Variants in MYO1E observed in about 807,000 individuals in gnomAD.
MYO1E encodes the protein unconventional myosin-Ie.
In MYO1E, 68 loss-of-function variants were observed where a neutral mutation model predicts 151.1. The ratio of observed to expected loss-of-function variants is 0.45; its 90% CI spans 0.37 to 0.55. The LOEUF is 0.55. Among genes scored for constraint, MYO1E ranks in the 20% least tolerant of loss-of-function variants. MYO1E has a pLI of 0.00. For synonymous variants in MYO1E, 601 were observed against 501.7 expected (o/e 1.20, Z -2.64); for missense variants, 1,363 against 1,389.3 (o/e 0.98, Z 0.30).
At chr15:59,313,047 G>A (rs1457853489) in intron 1 of MYO1E, among the ~76,000 whole-genome samples, 2 of 152,158 alleles carry the variant, frequency 1.3e-5, no homozygotes, top group Admixed American at 6.5e-5. Flanking sequence ...TGGGCATGGG[G>A]GTGGGGCCCA....
At chr15:59,165,139 C>G (rs2079556809) in intron 22 of MYO1E, among the ~76,000 whole-genome samples, 1 of 152,186 alleles carries the variant, frequency 6.6e-6, no homozygotes, top group Non-Finnish European at 1.5e-5. Context: ...ACATATTACC[C>G]ACTTTCAGTC....
At position 59,218,506 on chromosome 15, in the gene MYO1E, T is replaced by C. The variant is rs949395142; in HGVS notation, c.911-419A>G. On this transcript the variant is annotated intron_variant, in intron 9 of 27. Coordinates refer to ENST00000288235, the MANE Select transcript of MYO1E (RefSeq NM_004998.4). The stretch of plus-strand genomic sequence containing the variant: ...ATTGTTTTCTTCCTTTTTAGTACAA[T>C]GTTTTCATAGCATCATTTTTGAAGC... Among the ~76,000 whole-genome samples the C allele has an allele frequency of 2.0e-5, 3 of 152,254 alleles. No individual in the cohort carries two copies. In the East Asian group the frequency reaches 5.8e-4, roughly 29 times the overall value.
intron 1 of MYO1E, among the ~76,000 whole-genome samples, chr15:59,285,377 A>AT (rs2080381462): frequency 2.7e-5 from 1 of 37,336 alleles, no homozygotes; most frequent in East Asian, 6.0e-4. Flanking sequence ...TTTTTTTTTG[A>AT]GACGGAGTCT....
Position 59,243,108 on chromosome 15 carries a change from T to TC in MYO1E, c.333-6437_333-6436insG, listed in dbSNP as rs1217120049. Reference sequence around the variant, plus strand: ...ATTTAATTAGACCCTGCTTTTTTTTTTTTTTTTCAAATATAGAGAGATATA... The same window carrying TC: ...ATTTAATTAGACCCTGCTTTTTTTTTCTTTTTTTCAAATATAGAGAGATATA... On this transcript the variant is annotated intron_variant, in intron 4 of 27. Coordinates refer to ENST00000288235, the MANE Select transcript of MYO1E (RefSeq NM_004998.4). Among the ~76,000 whole-genome samples, 304 of 151,128 alleles carry TC rather than the reference T, an allele frequency of 2.0e-3. 4 individuals carry two copies. Among genetic ancestry groups the TC allele is most frequent in the African/African-American group, 7.0e-3 (288 of 41,208 alleles).
At chr15:59,252,034 T>C (rs1233742729) in intron 4 of MYO1E, among the ~76,000 whole-genome samples, 12 of 152,164 alleles carry the variant, frequency 7.9e-5, no homozygotes, top group African/African-American at 2.7e-4. Context: ...ATGCAAATAA[T>C]TGCTAATGTA....
chr15:59,266,418 T>C (rs2080253651), intron 2 of MYO1E, among the ~76,000 whole-genome samples: 2 of 152,184 alleles, frequency 1.3e-5, no homozygotes, highest in African/African-American at 4.8e-5. Context: ...AAACCCAAGA[T>C]ATCTTTAACT....
chr15:59,256,097 T>C (rs2080192379), intron 4 of MYO1E, among the ~76,000 whole-genome samples, 187 bp downstream of exon 4: 1 of 152,216 alleles, frequency 6.6e-6, no homozygotes, highest in African/African-American at 2.4e-5. Context: ...AGTTTTATGA[T>C]ATGGAGCTCT....
At chr15:59,169,367 G>A (rs539966297) in intron 22 of MYO1E, among the ~76,000 whole-genome samples, 2 of 152,316 alleles carry the variant, frequency 1.3e-5, no homozygotes, top group East Asian at 3.9e-4. Flanking sequence ...ATGTTCAGTA[G>A]TCTGGTACCA....
In MYO1E at chr15:59,350,873, T is replaced by C. The variant is rs530662757; in HGVS notation, c.3+21625A>G. On this transcript the variant is annotated intron_variant, in intron 1 of 27. Transcript: ENST00000288235. This position sits in a 1 kb window ranked among gnomAD's most constrained non-coding sequence, Gnocchi z 5.0. ...AATGAGTCTTTATTTGTTGTTGTTG[T>C]TGTTTGTTTGGTTGGTTGGTTTTTT... 6.6e-5 allele frequency among the ~76,000 whole-genome samples: 10 copies of C among 150,924 alleles called. No homozygotes were observed. In the South Asian group the frequency reaches 1.9e-3, roughly 29 times the overall value.
chr15:59,256,593 A>G (rs1596387419), intron 3 of MYO1E, among the ~76,000 whole-genome samples: 1 of 152,214 alleles, frequency 6.6e-6, no homozygotes, highest in East Asian at 1.9e-4. Context: ...CCCTCACAAA[A>G]TTAAGACGGA....
chr15:59,372,264 G>C (rs114149011), intron 1 of MYO1E, among the ~76,000 whole-genome samples: 2 of 152,262 alleles, frequency 1.3e-5, no homozygotes, highest in East Asian at 1.9e-4. Flanking sequence ...GCCACAGAAA[G>C]TTTCGCGACG....
intron 25 of MYO1E, among the ~76,000 whole-genome samples, chr15:59,154,089 C>T (rs2079497021): frequency 6.6e-6 from 1 of 152,224 alleles, no homozygotes; most frequent in South Asian, 2.1e-4. Context: ...ACACAGCGGA[C>T]ACTCAGCACA....
At chr15:59,189,256 C>T (rs916316411) in intron 17 of MYO1E, among the ~76,000 whole-genome samples, 6 of 152,126 alleles carry the variant, frequency 3.9e-5, no homozygotes, top group Middle Eastern at 3.2e-3. Flanking sequence ...GACAGGGTTT[C>T]GCCACTTTGC....
chr15:59,292,104 A>C (rs2080423148), intron 1 of MYO1E, among the ~76,000 whole-genome samples: 1 of 152,180 alleles, frequency 6.6e-6, no homozygotes, highest in Non-Finnish European at 1.5e-5. Context: ...ATTGTTAAGT[A>C]AATTTTGTTT....
Position 59,207,561 on chromosome 15 carries a change from T to C in MYO1E, c.1530+1120A>G. ...TGAGTGCATTTCCCAAAAACCGTATTATTGGAAGCGGCTGTAATCTGGATA... is the reference window on the plus strand; with the variant it reads ...TGAGTGCATTTCCCAAAAACCGTATCATTGGAAGCGGCTGTAATCTGGATA... On this transcript the variant is annotated intron_variant, in intron 14 of 27. Transcript: ENST00000288235. The C allele has an allele frequency of 1.9e-6, 3 of 1,614,104 alleles. No individual in the cohort carries two copies. The South Asian group carries it at 3.3e-5, about 18-fold the overall frequency.
chr15:59,222,627 T>C (rs781465887), intron 9 of MYO1E, among the ~76,000 whole-genome samples: 15 of 152,216 alleles, frequency 9.9e-5, no homozygotes, highest in Non-Finnish European at 2.1e-4. Context: ...CATATTTACA[T>C]ATATTATATT....
chr15:59,319,476 G>A (rs986918194), intron 1 of MYO1E, among the ~76,000 whole-genome samples: 1 of 149,152 alleles, frequency 6.7e-6, no homozygotes, highest in African/African-American at 2.5e-5. Context: ...AAGCAGGCTT[G>A]GAAGTTTTAG....
Position 59,216,034 on chromosome 15 carries a change from A to T in MYO1E, c.1108-1314T>A, listed in dbSNP as rs79169159. 2.0e-5 allele frequency among the ~76,000 whole-genome samples: 3 copies of T among 152,270 alleles called. No individual in the cohort carries two copies. The South Asian group carries it at 6.2e-4, about 32-fold the overall frequency. ...CAATGTTATCCTTTAAATAGCCACTAAAGTACCTAGAATAGTTCTCCTACC... is the reference window on the plus strand; with the variant it reads ...CAATGTTATCCTTTAAATAGCCACTTAAGTACCTAGAATAGTTCTCCTACC... On this transcript the variant is annotated intron_variant, in intron 10 of 27. Coordinates refer to ENST00000288235, the MANE Select transcript of MYO1E (RefSeq NM_004998.4).
chr15:59,278,535 C>T (rs549767037), intron 1 of MYO1E, among the ~76,000 whole-genome samples: 3 of 152,322 alleles, frequency 2.0e-5, no homozygotes, highest in East Asian at 3.9e-4. Context: ...TGTCTGTCTG[C>T]TACATACAAG....
Sources: allele counts gnomAD v4.1 joint callset (sites outside exome capture counted in the v4.1 genomes callset), GRCh38; gene constraint gnomAD v4.1.1; non-coding constraint Gnocchi (gnomAD v3.1); transcripts MANE v1.5; gene names NCBI Gene and HGNC (gene_info 2026-07-23, HGNC 2026-07-21).